The following ECRG4 variants were observed in gnomAD, a reference collection of about 807,000 sequenced individuals.
ECRG4 encodes ECRG4 augurin precursor.
A neutral mutation model predicts 15.8 loss-of-function variants in ECRG4; 18 were observed. The observed-to-expected ratio is 1.14, with a 90% CI of 0.79 to 1.69. The LOEUF is 1.69. ECRG4 is among the 40% of genes most tolerant of loss of function. The pLI is 0.00. For synonymous variants in ECRG4, 82 were observed against 73.9 expected, an observed-to-expected ratio of 1.11 and a Z score of -0.56; for missense variants, 200 against 190.9, an observed-to-expected ratio of 1.05 and a Z score of -0.28.
At chr2:106,067,007 A>G (rs921128199) in intron 1 of ECRG4, among the ~76,000 whole-genome samples, 1 of 130,070 alleles carries the variant, frequency 7.7e-6, no homozygotes, top group Non-Finnish European at 1.6e-5. Context: ...TAAGAAGCAC[A>G]TCTGGGCCGG....
At chr2:106,064,602 C>T (rs140686103), upstream of ECRG4, among the ~76,000 whole-genome samples, 5 of 152,284 alleles carry the variant, frequency 3.3e-5, no homozygotes, top group Admixed American at 6.5e-5. Flanking sequence ...CGCTTGAACC[C>T]CGGAGTTGGA....
chr2:106,073,116 T>G (rs1217245950), intron 2 of ECRG4, among the ~76,000 whole-genome samples: 1 of 152,180 alleles, frequency 6.6e-6, no homozygotes, highest in Non-Finnish European at 1.5e-5. Context: ...AGAGGGACTG[T>G]CCACCCACTT....
intron 1 of ECRG4, among the ~76,000 whole-genome samples, chr2:106,070,524 C>T (rs1417526717): frequency 1.3e-5 from 2 of 152,200 alleles, no homozygotes; most frequent in Non-Finnish European, 2.9e-5. Context: ...TAAAATGCAG[C>T]CTCAGGTGAG....
Position 106,069,906 on chromosome 2 carries a change from A to G in ECRG4, c.80-1938A>G, listed in dbSNP as rs569869004. ...TAAGATTGCAATTGCTTTTTAAACA[A>G]CTACATCACTATAGACCGACTTGAG... On this transcript the variant is annotated intron_variant, in intron 1 of 3. Coordinates refer to ENST00000238044, the MANE Select transcript of ECRG4 (RefSeq NM_032411.3). Among the ~76,000 whole-genome samples the G allele has an allele frequency of 5.3e-5, 8 of 152,278 alleles. No homozygotes were observed. The South Asian group carries it at 8.3e-4, about 16-fold the overall frequency.
At chr2:106,071,754 C>T (rs1242583206) in intron 1 of ECRG4, 90 bp from the exon 2 acceptor site, 6 of 1,034,294 alleles carry the variant, frequency 5.8e-6, no homozygotes, top group Non-Finnish European at 8.9e-6. Context: ...CAGGGGCCCG[C>T]AGTTCTTTTC....
rs151098737 is a variant in ECRG4 at position 106,068,206 on chromosome 2, T to G, written c.79+2363T>G. ...CCCCTTCTTGATCAATTTATTAATA[T>G]TAAGCACCTTCAAAGGAGCATTTTG... On this transcript the variant is annotated intron_variant, in intron 1 of 3. Transcript: ENST00000238044. Among the ~76,000 whole-genome samples the G allele has an allele frequency of 5.5e-3, 830 of 152,222 alleles. 9 individuals are homozygous for G. The highest frequency in any genetic ancestry group is 0.033 in the Admixed American group (508 of 15,286).
rs190324577 is a variant in ECRG4, at chr2:106,074,213, T to C, written c.285+170T>C. 5.4e-6 allele frequency: 4 copies of C among 744,674 alleles called. No homozygotes were observed. In the African/African-American group the frequency reaches 7.0e-5, roughly 13 times the overall value. The allele number at this position is 744,674 out of a possible 1,614,324, so 46.1% of individuals were successfully genotyped here. ...AGGCACTGGATCATGTTACCTATGG[T>C]GTAAGGGCGATGGCTGGAAGTTTCC... is the stretch of plus-strand genomic sequence containing the variant. On this transcript the variant is annotated intron_variant, in intron 3 of 3. Coordinates refer to ENST00000238044, the MANE Select transcript of ECRG4 (RefSeq NM_032411.3).
At chr2:106,065,896 T>A (rs1241184624) in intron 1 of ECRG4, 53 bp downstream of exon 1, 1 of 1,417,028 alleles carries the variant, frequency 7.1e-7, no homozygotes, top group East Asian at 3.0e-5. Context: ...GTTGGCCCCA[T>A]GTGGCGCTTC....
chr2:106,063,655 T>C (rs1446043645), upstream of ECRG4, among the ~76,000 whole-genome samples: 1 of 152,222 alleles, frequency 6.6e-6, no homozygotes, highest in Non-Finnish European at 1.5e-5. Context: ...CAATCTCGGC[T>C]CACTGCAACC....
At chr2:106,067,927 C>T (rs775368006) in intron 1 of ECRG4, among the ~76,000 whole-genome samples, 28 of 151,786 alleles carry the variant, frequency 1.8e-4, no homozygotes, top group African/African-American at 5.1e-4. Flanking sequence ...CTTGATCTCC[C>T]GGACTCAAGC....
chr2:106,067,392 A>C (rs900900396), intron 1 of ECRG4, among the ~76,000 whole-genome samples: 1 of 152,178 alleles, frequency 6.6e-6, no homozygotes, highest in African/African-American at 2.4e-5. Flanking sequence ...CAGGACTTGT[A>C]TTTTATTTAG....
chr2:106,071,612 T>C (rs1000557381), intron 1 of ECRG4, among the ~76,000 whole-genome samples: 2 of 152,170 alleles, frequency 1.3e-5, no homozygotes, highest in African/African-American at 4.8e-5. Flanking sequence ...CTAGCTCAAA[T>C]AGTAATACCC....
At chr2:106,072,240 C>T (rs1375868606) in intron 2 of ECRG4, 4 of 192,022 alleles carry the variant, frequency 2.1e-5, no homozygotes, top group African/African-American at 4.6e-5. Flanking sequence ...GTGGGGCAGG[C>T]GTGGAACAGC....
chr2:106,075,896 CTTCT>C (rs1676478206), intron 3 of ECRG4, among the ~76,000 whole-genome samples: 1 of 152,172 alleles, frequency 6.6e-6, no homozygotes, highest in Non-Finnish European at 1.5e-5. Context: ...GGAATATGAT[CTTCT>C]TTTTCTATGC....
chr2:106,066,850 C>T (rs896079467), intron 1 of ECRG4, among the ~76,000 whole-genome samples: 1 of 152,066 alleles, frequency 6.6e-6, no homozygotes, highest in African/African-American at 2.4e-5. Flanking sequence ...TGGGATGGAG[C>T]CCCGGGGTTG....
upstream of ECRG4, among the ~76,000 whole-genome samples, chr2:106,065,338 A>ATCC (rs1676185580): frequency 6.6e-6 from 1 of 150,526 alleles, no homozygotes; most frequent in African/African-American, 2.5e-5. Context: ...CAGCGCTGGG[A>ATCC]TCCGGCAAGT....
chr2:106,072,317 T>C, intron 2 of ECRG4: 1 of 163,056 alleles, frequency 6.1e-6, no homozygotes, highest in East Asian at 1.8e-4. Flanking sequence ...AAGCCTTTCT[T>C]GTTATTAGCC....
chr2:106,067,629 C>T (rs1676254399), intron 1 of ECRG4, among the ~76,000 whole-genome samples: 1 of 130,140 alleles, frequency 7.7e-6, no homozygotes, highest in Admixed American at 7.9e-5. Flanking sequence ...GTCACCACGC[C>T]CAGCTAAGGT....
rs143058927 is a variant in ECRG4, at chr2:106,066,290, C to T, written c.79+447C>T. ...TGCGCTTCCCAGCTGGGTCAAGTTGCAATTTGCAAAGCTGGGCACAGGCCT... is the reference window on the plus strand; with the variant it reads ...TGCGCTTCCCAGCTGGGTCAAGTTGTAATTTGCAAAGCTGGGCACAGGCCT... On this transcript the variant is annotated intron_variant, in intron 1 of 3. Transcript: ENST00000238044. Among the ~76,000 whole-genome samples, 707 of 152,338 alleles carry T rather than the reference C, an allele frequency of 4.6e-3. 2 individuals are homozygous for T. The highest frequency in any genetic ancestry group is 8.2e-3 in the Non-Finnish European group (556 of 68,040).
Sources: gnomAD v4.1 joint callset for allele counts (sites outside exome capture counted in the v4.1 genomes callset) on GRCh38, gnomAD v4.1.1 for gene constraint, MANE v1.5 for transcripts, NCBI Gene and HGNC (gene_info 2026-07-23, HGNC 2026-07-21) for gene names.